Variants in LYSMD2 observed in about 807,000 individuals in gnomAD.
LYSMD2 encodes lysM and putative peptidoglycan-binding domain-containing protein 2.
A neutral mutation model predicts 17.7 loss-of-function variants in LYSMD2; 6 were observed. That is an observed-to-expected ratio of 0.34 (90% CI 0.19 to 0.67). LYSMD2 has a LOEUF of 0.67. Ranked by LOEUF, LYSMD2 falls within the 30% of genes least tolerant of loss-of-function variation. The pLI is 0.69. For synonymous variants in LYSMD2, 102 were observed against 129.8 expected (o/e 0.79, Z 1.45); for missense variants, 237 against 286.7 (o/e 0.83, Z 1.25).
intron 1 of LYSMD2, among the ~76,000 whole-genome samples, chr15:51,746,838 T>G (rs1172027862): frequency 6.6e-6 from 1 of 151,870 alleles, no homozygotes; most frequent in African/African-American, 2.4e-5. Flanking sequence ...GTAAGGACTC[T>G]TCAAAAAAAT....
At chr15:51,729,078 T>C (rs895175288) in intron 1 of LYSMD2, among the ~76,000 whole-genome samples, 2 of 152,270 alleles carry the variant, frequency 1.3e-5, no homozygotes, top group African/African-American at 4.8e-5. Context: ...CTAAACTCTG[T>C]TACCCATGAT....
upstream of LYSMD2, chr15:51,737,939 T>C (rs964579404): frequency 8.9e-5 from 18 of 201,288 alleles, no homozygotes; most frequent in African/African-American, 3.2e-4. This position sits in a 1 kb window ranked among gnomAD's most constrained non-coding sequence, Gnocchi z 4.2. Flanking sequence ...CCCGCGGCCG[T>C]TGGGGCTAAG....
At chr15:51,736,002 T>C (rs1462120903) in intron 1 of LYSMD2, among the ~76,000 whole-genome samples, 1 of 152,194 alleles carries the variant, frequency 6.6e-6, no homozygotes, top group African/African-American at 2.4e-5. Context: ...AAAAGTAATA[T>C]CTAGAGGAAA....
At chr15:51,749,338 A>G (rs768195909) in intron 1 of LYSMD2, among the ~76,000 whole-genome samples, 4 of 152,228 alleles carry the variant, frequency 2.6e-5, no homozygotes, top group Non-Finnish European at 1.5e-5. Context: ...CCAGCTTCCA[A>G]CACTCATCAT....
chr15:51,741,955 T>C (rs2055644954), upstream of LYSMD2, among the ~76,000 whole-genome samples: 1 of 149,010 alleles, frequency 6.7e-6, no homozygotes, highest in Non-Finnish European at 1.5e-5. Context: ...ATAATGTATA[T>C]ATAAATAATA....
At chr15:51,746,683 C>G (rs1213921497) in intron 1 of LYSMD2, among the ~76,000 whole-genome samples, 1 of 152,108 alleles carries the variant, frequency 6.6e-6, no homozygotes, top group Non-Finnish European at 1.5e-5. Flanking sequence ...CTCCAACACT[C>G]AGCTTCAACC....
chr15:51,725,909 T>G (rs1219726554), intron 1 of LYSMD2, among the ~76,000 whole-genome samples: 1 of 152,200 alleles, frequency 6.6e-6, no homozygotes, highest in East Asian at 1.9e-4. Flanking sequence ...ATGGGATTTT[T>G]GTCTGACTCC....
In LYSMD2 at chr15:51,737,377, C is replaced by A; in HGVS notation, c.246G>T (p.Gln82His). The part of the protein sequence containing the change: ...EHRVRAGDTL[Q>H]GIALKYGVTM... ...TGACACCGTACTTGAGCGCGATGCC[C>A]TGCAGCGTGTCGCCCGCGCGGACCC... The change falls in exon 1 of 3, where the codon CAG becomes CAT. Residue 82 changes from glutamine (Q) to histidine (H), a missense_variant. Gln to His is a conservative substitution (Grantham distance 24). Transcript: ENST00000267838. The surrounding 1 kb of genome is among the most constrained non-coding windows in gnomAD (Gnocchi z 4.2). 1.4e-6 allele frequency: 2 copies of A among 1,455,998 alleles called. No homozygotes were observed. Among genetic ancestry groups the A allele is most frequent in the Non-Finnish European group, 1.8e-6 (2 of 1,109,384 alleles). The allele number at this position is 1,455,998 out of a possible 1,614,324, so 90.2% of individuals were successfully genotyped here.
At chr15:51,750,870 C>T (rs949138931) in intron 1 of LYSMD2, among the ~76,000 whole-genome samples, 1 of 152,132 alleles carries the variant, frequency 6.6e-6, no homozygotes, top group Non-Finnish European at 1.5e-5. Context: ...TAACATTTAC[C>T]CAGCCCAACG....
chr15:51,742,289 C>T (rs1252624893), upstream of LYSMD2, among the ~76,000 whole-genome samples: 1 of 152,202 alleles, frequency 6.6e-6, no homozygotes, highest in Non-Finnish European at 1.5e-5. Flanking sequence ...ATCTACCCAC[C>T]TCGGCCTCCC....
rs1387605634 is a variant in LYSMD2, at chr15:51,723,191, C to T, written c.*416G>A. 5 of 164,484 alleles carry T rather than the reference C, an allele frequency of 3.0e-5. No individual in the cohort carries two copies. The highest frequency in any genetic ancestry group is 1.2e-4 in the African/African-American group (5 of 41,466). The allele number at this position is 164,484 out of a possible 1,614,324, so 10.2% of individuals were successfully genotyped here. The stretch of plus-strand genomic sequence containing the variant: ...AAGACATATCGAAATATATATATAG[C>T]ACTTAAGTTATAAACACACAGCAAA... On this transcript the variant is annotated 3_prime_UTR_variant, in exon 3 of 3. Coordinates refer to ENST00000267838, the MANE Select transcript of LYSMD2 (RefSeq NM_153374.3).
In LYSMD2 at chr15:51,725,097, T is replaced by C; in HGVS notation, c.298A>G (p.Lys100Glu). 6.2e-7 allele frequency: 1 copy of C among 1,606,588 alleles called. No individual in the cohort carries two copies. Among genetic ancestry groups the C allele is most frequent in the Non-Finnish European group, 8.5e-7 (1 of 1,174,702 alleles). The change falls in exon 2 of 3, where the codon AAA becomes GAA. Residue 100 changes from lysine (K) to glutamate (E), a missense_variant. Coordinates refer to ENST00000267838, the MANE Select transcript of LYSMD2 (RefSeq NM_153374.3). The part of the protein sequence containing the change: ...VTMEQIKRAN[K>E]LFTNDCIFLK... ...AATATACAATCATTGGTAAACAGTTTATTGGCCCTTTTAATCTGTTCCATC... is the reference window on the plus strand; with the variant it reads ...AATATACAATCATTGGTAAACAGTTCATTGGCCCTTTTAATCTGTTCCATC...
At chr15:51,748,949 A>ATAACTGCCATAAAATAC (rs2055683259) in intron 1 of LYSMD2, among the ~76,000 whole-genome samples, 1 of 152,254 alleles carries the variant, frequency 6.6e-6, no homozygotes, top group African/African-American at 2.4e-5. Flanking sequence ...AAAATACTTC[A>ATAACTGCCATAAAATAC]TTATAACTGC....
At chr15:51,733,511 A>AC (rs1478132636) in intron 1 of LYSMD2, among the ~76,000 whole-genome samples, 1 of 152,002 alleles carries the variant, frequency 6.6e-6, no homozygotes, top group Non-Finnish European at 1.5e-5. Context: ...CTGGGGGACT[A>AC]GGGAGAAAGG....
At chr15:51,741,574 T>C (rs2055643063), upstream of LYSMD2, among the ~76,000 whole-genome samples, 1 of 152,234 alleles carries the variant, frequency 6.6e-6, no homozygotes, top group African/African-American at 2.4e-5. Context: ...CAAATGTACA[T>C]AACATAAAAT....
upstream of LYSMD2, among the ~76,000 whole-genome samples, chr15:51,740,176 C>G (rs149395154): frequency 7.2e-5 from 11 of 152,264 alleles, no homozygotes; most frequent in East Asian, 2.1e-3. Flanking sequence ...CCAGGCTTCT[C>G]TCAAACTTCT....
At chr15:51,731,342 C>T (rs1232378727) in intron 1 of LYSMD2, among the ~76,000 whole-genome samples, 2 of 152,206 alleles carry the variant, frequency 1.3e-5, no homozygotes, top group Non-Finnish European at 2.9e-5. Context: ...TTATAGTTAT[C>T]TTCTCTTTAA....
intron 1 of LYSMD2, among the ~76,000 whole-genome samples, chr15:51,728,687 T>C (rs1294028946): frequency 6.6e-6 from 1 of 151,728 alleles, no homozygotes; most frequent in Non-Finnish European, 1.5e-5. Context: ...CTAGCCAACA[T>C]GGTGAAACCC....
intron 1 of LYSMD2, among the ~76,000 whole-genome samples, chr15:51,736,636 A>T (rs930540126): frequency 6.6e-6 from 1 of 152,212 alleles, no homozygotes; most frequent in African/African-American, 2.4e-5. Context: ...ACAGTTAATT[A>T]TAAGTAATTT....
Sources: allele counts gnomAD v4.1 joint callset (sites outside exome capture counted in the v4.1 genomes callset), GRCh38; gene constraint gnomAD v4.1.1; non-coding constraint Gnocchi (gnomAD v3.1); transcripts MANE v1.5; gene names NCBI Gene and HGNC (gene_info 2026-07-23, HGNC 2026-07-21).